CSMD1: variants seen among roughly 807,000 people sequenced by gnomAD.
CSMD1 encodes the protein CUB and sushi domain-containing protein 1.
CSMD1 carries 213 observed loss-of-function variants against 417.5 expected under a neutral mutation model. The observed-to-expected ratio is 0.51, with a 90% confidence interval of 0.46 to 0.57. The LOEUF (loss-of-function observed/expected upper bound fraction) is 0.57. Among genes scored for constraint, CSMD1 ranks in the 20% least tolerant of loss-of-function variants. CSMD1 has a pLI of 0.00. For synonymous variants in CSMD1, 2,862 were observed against 1,736.8 expected, an observed-to-expected ratio of 1.65 and a Z score of -16.11; for missense variants, 6,923 against 4,529.7, an observed-to-expected ratio of 1.53 and a Z score of -15.17.
intron 7 of CSMD1, among the ~76,000 whole-genome samples, chr8:3,684,653 A>C (rs1201466112): frequency 7.0e-6 from 1 of 142,304 alleles, no homozygotes; most frequent in Non-Finnish European, 1.5e-5. Context: ...GCTGGAGTGC[A>C]GTGGCGCTAT....
chr8:3,413,111 T>G (rs1812919246), intron 12 of CSMD1, among the ~76,000 whole-genome samples: 1 of 152,168 alleles, frequency 6.6e-6, no homozygotes, highest in Non-Finnish European at 1.5e-5. Flanking sequence ...CCATGAGAAT[T>G]AAAGAATAAG....
intron 1 of CSMD1, among the ~76,000 whole-genome samples, chr8:4,990,295 C>T (rs1584958308): frequency 6.6e-6 from 1 of 152,118 alleles, no homozygotes; most frequent in Admixed American, 6.5e-5. Flanking sequence ...TAATAATATC[C>T]TGATAATGCA....
At chr8:4,940,364 T>C (rs771685454) in intron 1 of CSMD1, among the ~76,000 whole-genome samples, 3 of 152,178 alleles carry the variant, frequency 2.0e-5, no homozygotes, top group Non-Finnish European at 4.4e-5. Flanking sequence ...AATATGCAAA[T>C]TGAGTGGAAA....
At chr8:2,942,670 A>C in intron 68 of CSMD1, 66 bp from the exon 69 acceptor site, 1 of 1,260,486 alleles carries the variant, frequency 7.9e-7, no homozygotes, top group Non-Finnish European at 1.1e-6. Context: ...ACATATGATA[A>C]ATTTTGTAAA....
intron 1 of CSMD1, among the ~76,000 whole-genome samples, chr8:4,819,156 G>C (rs1000753534): frequency 2.0e-5 from 3 of 152,058 alleles, no homozygotes; most frequent in African/African-American, 7.2e-5. Flanking sequence ...TGCTCTACTG[G>C]TGTCCTTCCA....
At chr8:4,111,433 G>C (rs1347661014) in intron 3 of CSMD1, among the ~76,000 whole-genome samples, 2 of 152,066 alleles carry the variant, frequency 1.3e-5, no homozygotes, top group Non-Finnish European at 2.9e-5. Flanking sequence ...ATATTCCTTA[G>C]GATATATACC....
At position 3,556,392 on chromosome 8, in the gene CSMD1, A is replaced by ATAT. The variant is rs1554468279; in HGVS notation, c.1344+18552_1344+18553insATA. On this transcript the variant is annotated intron_variant, in intron 10 of 69. Coordinates refer to ENST00000635120, the MANE Select transcript of CSMD1 (RefSeq NM_033225.6). The stretch of plus-strand genomic sequence containing the variant: ...AAGATTTTTAAAATTTATAATAATT[A>ATAT]ATATATATATATATATATATATTCA... Among the ~76,000 whole-genome samples the ATAT allele has an allele frequency of 8.1e-4, 97 of 120,412 alleles. 7 individuals carry two copies. The highest frequency in any genetic ancestry group is 2.4e-3 in the South Asian group (9 of 3,696). The allele number at this position is 120,412 out of a possible 152,430, so 79.0% of individuals were successfully genotyped here.
At chr8:4,042,250 T>A (rs1392708394) in intron 3 of CSMD1, among the ~76,000 whole-genome samples, 1 of 152,136 alleles carries the variant, frequency 6.6e-6, no homozygotes, top group African/African-American at 2.4e-5. Context: ...GGTGCCTAAA[T>A]ACAGCAATGA....
chr8:4,383,689 G>A (rs946230708), intron 3 of CSMD1, among the ~76,000 whole-genome samples: 1 of 152,104 alleles, frequency 6.6e-6, no homozygotes, highest in Non-Finnish European at 1.5e-5. Flanking sequence ...AAATATTACA[G>A]TGTGGGAAAC....
chr8:4,916,812 G>T (rs1806095271), intron 1 of CSMD1, among the ~76,000 whole-genome samples: 1 of 152,198 alleles, frequency 6.6e-6, no homozygotes, highest in Admixed American at 6.5e-5. Context: ...ATTAAAAGTA[G>T]ATAATGCATT....
At chr8:3,770,716 T>G (rs140859716) in intron 5 of CSMD1, among the ~76,000 whole-genome samples, 158 of 152,144 alleles carry the variant, frequency 1.0e-3, no homozygotes, top group African/African-American at 3.1e-3. Context: ...ACTGTAACCA[T>G]GATGGTAGCT....
intron 3 of CSMD1, among the ~76,000 whole-genome samples, chr8:4,272,486 A>G (rs907161423): frequency 6.6e-6 from 1 of 152,168 alleles, no homozygotes; most frequent in Non-Finnish European, 1.5e-5. Flanking sequence ...AGATAACTAT[A>G]CACGATCACA....
chr8:4,045,960 T>C (rs1245611156), intron 3 of CSMD1, among the ~76,000 whole-genome samples: 5 of 152,268 alleles, frequency 3.3e-5, no homozygotes, highest in African/African-American at 9.6e-5. Flanking sequence ...CAAATCAAAG[T>C]ATATTAGATT....
chr8:4,858,411 C>T (rs1246395843), intron 1 of CSMD1, among the ~76,000 whole-genome samples: 1 of 150,206 alleles, frequency 6.7e-6, no homozygotes, highest in Non-Finnish European at 1.5e-5. Context: ...GAAGTTCTGG[C>T]CAGGGCAATT....
intron 12 of CSMD1, among the ~76,000 whole-genome samples, chr8:3,426,763 G>C (rs1813867322): frequency 6.6e-6 from 1 of 152,080 alleles, no homozygotes; most frequent in Non-Finnish European, 1.5e-5. Flanking sequence ...AAACTAATTG[G>C]TGCTAAGTTA....
chr8:3,661,741 C>A (rs972657321), intron 7 of CSMD1, among the ~76,000 whole-genome samples: 2 of 152,132 alleles, frequency 1.3e-5, no homozygotes, highest in South Asian at 2.1e-4. Flanking sequence ...AAGTGATTCA[C>A]CCGCCCTGGC....
chr8:4,799,209 T>C (rs1563421455), intron 1 of CSMD1, among the ~76,000 whole-genome samples: 1 of 152,164 alleles, frequency 6.6e-6, no homozygotes, highest in Non-Finnish European at 1.5e-5. Flanking sequence ...AAAAAATGTT[T>C]TGAAAACTGT....
At chr8:2,965,396 G>T (rs564763739) in intron 59 of CSMD1, among the ~76,000 whole-genome samples, 1 of 152,158 alleles carries the variant, frequency 6.6e-6, no homozygotes, top group African/African-American at 2.4e-5. Flanking sequence ...TCTCCAACCT[G>T]CCTCTAAATT....
intron 3 of CSMD1, among the ~76,000 whole-genome samples, chr8:4,182,915 C>T (rs1003798244): frequency 5.9e-5 from 9 of 151,788 alleles, no homozygotes; most frequent in Admixed American, 2.6e-4. Context: ...TAATTGAAGA[C>T]GGTGGATAGA....
Sources: gnomAD v4.1 joint callset for allele counts (sites outside exome capture counted in the v4.1 genomes callset) on GRCh38, gnomAD v4.1.1 for gene constraint, MANE v1.5 for transcripts, NCBI Gene and HGNC (gene_info 2026-07-23, HGNC 2026-07-21) for gene names.